The following ZNF454 variants were observed in gnomAD, a reference collection of about 807,000 sequenced individuals.
ZNF454 encodes zinc finger protein 454.
A neutral mutation model predicts 48.2 loss-of-function variants in ZNF454; 30 were observed. The ratio of observed to expected loss-of-function variants is 0.62; its 90% confidence interval spans 0.47 to 0.84. The LOEUF is 0.84. ZNF454 is among the 40% of genes least tolerant of loss of function. The pLI is 0.00. For synonymous variants in ZNF454, 204 were observed against 211.4 expected (o/e 0.97, Z 0.30); for missense variants, 510 against 623.1 (o/e 0.82, Z 1.93).
chr5:178,989,271 A>G, the ZNF454 span: 2 of 1,581,660 alleles, frequency 1.3e-6, no homozygotes, highest in African/African-American at 1.5e-5. Flanking sequence ...TCACCTGTGC[A>G]TTTGCGGGTG....
downstream of ZNF454, chr5:178,969,400 G>T (rs1186186363): frequency 4.4e-6 from 2 of 452,632 alleles, no homozygotes; most frequent in Non-Finnish European, 8.9e-6. Flanking sequence ...CTTCAGCTGG[G>T]TTAATCCCCA....
At chr5:178,952,204 A>AT (rs1452206186) in intron 4 of ZNF454, among the ~76,000 whole-genome samples, 2 of 151,938 alleles carry the variant, frequency 1.3e-5, no homozygotes, top group East Asian at 3.9e-4. Context: ...CTCCCGGCTA[A>AT]TTTTTTGTAT....
chr5:178,961,521 T>C (rs1760012926), intron 4 of ZNF454, among the ~76,000 whole-genome samples: 1 of 151,554 alleles, frequency 6.6e-6, no homozygotes, highest in Non-Finnish European at 1.5e-5. Context: ...TCTTAAAAAT[T>C]AACAGCATTT....
chr5:178,978,765 T>C, the ZNF454 span: 1 of 152,140 alleles, frequency 6.6e-6, no homozygotes, highest in Non-Finnish European at 1.5e-5. Flanking sequence ...AAACCTTCGG[T>C]GCAGGTCAGC....
chr5:178,945,074 G>A (rs1160114181), intron 2 of ZNF454, among the ~76,000 whole-genome samples: 2 of 140,610 alleles, frequency 1.4e-5, no homozygotes. Flanking sequence ...TGTGTGTGGG[G>A]GTATTTGTGG....
chr5:178,985,130 C>A, the ZNF454 span: 1 of 345,922 alleles, frequency 2.9e-6, no homozygotes, highest in South Asian at 2.2e-5. Flanking sequence ...CTGTGCCTCT[C>A]ATCCACACTG....
downstream of ZNF454, among the ~76,000 whole-genome samples, chr5:178,966,713 T>A (rs1325770079): frequency 6.6e-6 from 1 of 152,158 alleles, no homozygotes. Context: ...CCAGCTTTAA[T>A]GGAAGCCTTA....
downstream of ZNF454, among the ~76,000 whole-genome samples, chr5:178,970,734 A>C (rs941832672): frequency 6.6e-6 from 1 of 152,192 alleles, no homozygotes; most frequent in Non-Finnish European, 1.5e-5. Flanking sequence ...ATCCTTAAAA[A>C]ATTGTTAACA....
chr5:178,961,480 A>T (rs1156657502), intron 4 of ZNF454, among the ~76,000 whole-genome samples: 4 of 151,634 alleles, frequency 2.6e-5, no homozygotes, highest in Non-Finnish European at 5.9e-5. Context: ...ATAAATTTTT[A>T]CTTTTAATAA....
In ZNF454 at chr5:178,944,854, G is replaced by C. The variant is rs564304578; in HGVS notation, c.34-1505G>C. Among the ~76,000 whole-genome samples, 7 of 152,330 alleles carry C rather than the reference G, an allele frequency of 4.6e-5. No individual in the cohort carries two copies. Among genetic ancestry groups the C allele is most frequent in the African/African-American group, 1.4e-4 (6 of 41,588 alleles). ...GATAGCTACTGGATTTTACATGCTA[G>C]GTTAGGTTTCGGCTACACCTGTGTG... On this transcript the variant is annotated intron_variant, in intron 2 of 4. Coordinates refer to ENST00000519564, the MANE Select transcript of ZNF454 (RefSeq NM_001178089.3). This position sits in a 1 kb window ranked among gnomAD's most constrained non-coding sequence, Gnocchi z 4.1.
In ZNF454 at chr5:178,946,451, G is replaced by A. The variant is rs74894989; in HGVS notation, c.126G>A (p.Val42=). 10,408 of 1,605,386 alleles carry A rather than the reference G, an allele frequency of 6.5e-3. 556 individuals are homozygous for A. The East Asian group carries it at 0.14, about 22-fold the overall frequency. ...SPAQRALYRD[V]MLENYSNLVS... is the part of the protein sequence containing the mutation. ...CCCAGAGGGCCCTGTACAGGGACGT[G>A]ATGCTGGAGAACTACAGCAACCTGG... Residue 42 remains valine, a synonymous_variant, in exon 3 of 5, where the codon GTG becomes GTA. Transcript: ENST00000519564. The surrounding 1 kb of genome is among the most constrained non-coding windows in gnomAD (Gnocchi z 4.5).
At chr5:178,949,355 T>C (rs1191587059) in intron 4 of ZNF454, among the ~76,000 whole-genome samples, 5 of 151,764 alleles carry the variant, frequency 3.3e-5, no homozygotes, top group Admixed American at 2.6e-4. Context: ...CCTGGTCTTT[T>C]TTTTTAGTAG....
At chr5:178,964,410 A>G (rs1760082160) in intron 4 of ZNF454, among the ~76,000 whole-genome samples, 1 of 152,078 alleles carries the variant, frequency 6.6e-6, no homozygotes, top group Non-Finnish European at 1.5e-5. Flanking sequence ...GTGAGCCACA[A>G]CGCCCAGCCA....
chr5:178,970,895 T>C (rs543731375), downstream of ZNF454, among the ~76,000 whole-genome samples: 11 of 152,322 alleles, frequency 7.2e-5, no homozygotes, highest in South Asian at 1.7e-3. Flanking sequence ...GTAGCCAGCC[T>C]GGCCCGAGCC....
intron 4 of ZNF454, among the ~76,000 whole-genome samples, chr5:178,948,524 T>A (rs1321380022): frequency 1.3e-5 from 2 of 152,170 alleles, no homozygotes; most frequent in Admixed American, 6.5e-5. Context: ...TGAAGAGGAC[T>A]TTTGTGCCTA....
intron 2 of ZNF454, among the ~76,000 whole-genome samples, chr5:178,943,919 C>G (rs1052217064): frequency 6.6e-6 from 1 of 151,956 alleles, no homozygotes; most frequent in African/African-American, 2.4e-5. Flanking sequence ...CCCAGCTACT[C>G]GGGAGGCTGA....
the ZNF454 span, among the ~76,000 whole-genome samples, chr5:178,978,131 A>T: frequency 6.6e-6 from 1 of 152,214 alleles, no homozygotes; most frequent in Non-Finnish European, 1.5e-5. Context: ...AAAGCCCAAG[A>T]GATAGAAAAT....
rs1293114385 is a variant in ZNF454, at chr5:178,941,493, A to G, written c.-108+49A>G. 2 of 456,560 alleles carry G rather than the reference A, an allele frequency of 4.4e-6. No homozygotes were observed. Among genetic ancestry groups the G allele is most frequent in the South Asian group, 3.1e-5 (2 of 64,570 alleles). The allele number at this position is 456,560 out of a possible 1,614,324, so 28.3% of individuals were successfully genotyped here. ...AGAGGGAGGACGGCCAGGGGTGGTCATCCTGGGCTGAGGGTCGAGTCTGTG... is the reference window on the plus strand; with the variant it reads ...AGAGGGAGGACGGCCAGGGGTGGTCGTCCTGGGCTGAGGGTCGAGTCTGTG... On this transcript the variant is annotated intron_variant, in intron 1 of 4. Coordinates refer to ENST00000519564, the MANE Select transcript of ZNF454 (RefSeq NM_001178089.3). This position sits in a 1 kb window ranked among gnomAD's most constrained non-coding sequence, Gnocchi z 5.5.
At chr5:178,986,814 CT>C in the ZNF454 span, 1 of 1,613,180 alleles carries the variant, frequency 6.2e-7, no homozygotes. Flanking sequence ...CCATGCCCAC[CT>C]GGGGCTCGGT....
Sources: gnomAD v4.1 joint callset for allele counts (sites outside exome capture counted in the v4.1 genomes callset) on GRCh38, gnomAD v4.1.1 for gene constraint, Gnocchi (gnomAD v3.1) non-coding constraint, MANE v1.5 for transcripts, NCBI Gene and HGNC (gene_info 2026-07-23, HGNC 2026-07-21) for gene names.